Variants in EXOC7 observed in about 807,000 individuals in gnomAD.
The protein encoded by EXOC7 is exocyst complex component Exo70.
A neutral mutation model predicts 87.6 loss-of-function variants in EXOC7; 51 were observed. That is an observed-to-expected ratio of 0.58 (90% CI 0.46 to 0.73). The LOEUF (loss-of-function observed/expected upper bound fraction) is 0.73. Among genes scored for constraint, EXOC7 ranks in the 30% least tolerant of loss-of-function variants. EXOC7 has a pLI of 0.00. For missense variants in EXOC7, 744 were observed against 888.4 expected (o/e 0.84, Z 2.07); for synonymous variants, 327 against 357.1 (o/e 0.92, Z 0.95).
intron 5 of EXOC7, among the ~76,000 whole-genome samples, chr17:76,096,441 G>C (rs2067754099): frequency 6.7e-6 from 1 of 149,522 alleles, no homozygotes; most frequent in Non-Finnish European, 1.5e-5. Context: ...GAACCCAGGA[G>C]GCAGAGGTTG....
chr17:76,082,073 G>GA lies in EXOC7; in HGVS notation c.*1574dup. ...AGGTGGGCAGGGGCTGGGGGGTAAG[G>GA]AATGAGGCCTAGGTGCACACCTAGG... On this transcript the variant is annotated 3_prime_UTR_variant, in exon 19 of 19. Transcript: ENST00000589210. 6.3e-7 allele frequency: 1 copy of GA among 1,580,106 alleles called. No homozygotes were observed. Among genetic ancestry groups the GA allele is most frequent in the Non-Finnish European group, 8.6e-7 (1 of 1,164,858 alleles).
At chr17:76,100,038 G>GCTGCAGTAGCTATGGTTGTACCA (rs1338277974) in intron 4 of EXOC7, among the ~76,000 whole-genome samples, 2 of 152,084 alleles carry the variant, frequency 1.3e-5, no homozygotes, top group Admixed American at 1.3e-4. Context: ...GGAGTTCGAG[G>GCTGCAGTAGCTATGGTTGTACCA]CTGCAGTAGC....
rs1567954871 is a variant in EXOC7, at chr17:76,083,519, C to T, written c.*129G>A. ...ACTAGGGGGCTCAGGGACACAGCTCCCGGAGGCGTGGAGACAGGTCTCTGT... is the reference window on the plus strand; with the variant it reads ...ACTAGGGGGCTCAGGGACACAGCTCTCGGAGGCGTGGAGACAGGTCTCTGT... On this transcript the variant is annotated 3_prime_UTR_variant, in exon 19 of 19. Coordinates refer to ENST00000589210, the MANE Select transcript of EXOC7 (RefSeq NM_001013839.4). 3.5e-6 allele frequency: 3 copies of T among 859,496 alleles called. No individual in the cohort carries two copies. The African/African-American group carries it at 5.0e-5, about 14-fold the overall frequency. 53.2% of individuals were successfully genotyped at this position (859,496 alleles called of 1,614,324 possible). A position where few individuals can be genotyped will look rare whatever the true frequency, so the allele number is the denominator to read the frequency against.
rs11539425 is a variant in EXOC7 at position 76,097,990 on chromosome 17, G to T, written c.446C>A (p.Ala149Asp). The change falls in exon 5 of 19, where the codon GCC becomes GAC. Residue 149 changes from alanine (A) to aspartate (D), a missense_variant. Ala to Asp is a moderately radical substitution (Grantham distance 126). Around this residue, in one of 3 missense-constraint regions of EXOC7, gnomAD observed 512 missense variants for 573.0 expected, o/e 0.89. Coordinates refer to ENST00000589210, the MANE Select transcript of EXOC7 (RefSeq NM_001013839.4). ...VKLLFERGKEALESEFRSLMT... is the reference protein window; with the variant it reads ...VKLLFERGKEDLESEFRSLMT... The stretch of plus-strand genomic sequence containing the variant: ...CAGGCTGCGAAATTCGGACTCCAGG[G>T]CCTCCTTCCCGCGCTCAAAGAGCAG... 2 of 1,614,158 alleles carry T rather than the reference G, an allele frequency of 1.2e-6. No homozygotes were observed. Among genetic ancestry groups the T allele is most frequent in the Non-Finnish European group, 1.7e-6 (2 of 1,180,032 alleles).
chr17:76,081,428 C>T lies in EXOC7; in HGVS notation c.*2220G>A. 2.5e-6 allele frequency: 4 copies of T among 1,613,570 alleles called. No homozygotes were observed. Among genetic ancestry groups the T allele is most frequent in the Non-Finnish European group, 3.4e-6 (4 of 1,179,828 alleles). ...GTGAGTCAAGTCGGGAGGAGGCCGACAGAGGGCTGCTGGAGGCGGGTGGGA... is the reference window on the plus strand; with the variant it reads ...GTGAGTCAAGTCGGGAGGAGGCCGATAGAGGGCTGCTGGAGGCGGGTGGGA... On this transcript the variant is annotated 3_prime_UTR_variant, in exon 19 of 19. Transcript: ENST00000589210.
chr17:76,095,457 C>T (rs1408833393), intron 5 of EXOC7, among the ~76,000 whole-genome samples: 2 of 151,934 alleles, frequency 1.3e-5, no homozygotes, highest in African/African-American at 4.8e-5. Flanking sequence ...TTAAATAGTA[C>T]TTTTTTTTAA....
rs557427223 is a variant in EXOC7, at chr17:76,083,409, G to A, written c.*239C>T. The A allele has an allele frequency of 1.9e-6, 1 of 535,422 alleles. No homozygotes were observed. Among genetic ancestry groups the A allele is most frequent in the South Asian group, 2.1e-5 (1 of 47,338 alleles). The allele number at this position is 535,422 out of a possible 1,614,324, so 33.2% of individuals were successfully genotyped here. The stretch of plus-strand genomic sequence containing the variant: ...TTCAGAAGCCATCAGGGTCATAAAA[G>A]CCAAGGTGTGGAGGGACCCCAGGCT... On this transcript the variant is annotated 3_prime_UTR_variant, in exon 19 of 19. Coordinates refer to ENST00000589210, the MANE Select transcript of EXOC7 (RefSeq NM_001013839.4).
Position 76,081,242 on chromosome 17 carries a change from C to A in EXOC7, c.*2406G>T, listed in dbSNP as rs374504468. ...CCCAGACTTGGCAGCTGGGATCTCT[C>A]CTTCCTGGTTCATAGTTCTCATTCC... On this transcript the variant is annotated 3_prime_UTR_variant, in exon 19 of 19. Coordinates refer to ENST00000589210, the MANE Select transcript of EXOC7 (RefSeq NM_001013839.4). The A allele has an allele frequency of 6.2e-7, 1 of 1,611,032 alleles. No individual in the cohort carries two copies. The highest frequency in any genetic ancestry group is 1.1e-5 in the South Asian group (1 of 90,700).
chr17:76,098,971 A>G (rs763595912), intron 4 of EXOC7, among the ~76,000 whole-genome samples: 5 of 152,192 alleles, frequency 3.3e-5, no homozygotes, highest in Non-Finnish European at 7.4e-5. Flanking sequence ...AATAAATTGA[A>G]CAATATCAAG....
rs758203502 is a variant in EXOC7, at chr17:76,084,147, C to A, written c.1819-8G>T. 1 of 1,593,292 alleles carries A rather than the reference C, an allele frequency of 6.3e-7. No homozygotes were observed. The highest frequency in any genetic ancestry group is 1.8e-5 in the Admixed American group (1 of 56,198). ...GAGGCCATCATTGAAGCCCTGGCCA[C>A]CAAAAAGGTGAAAAAGGAAGGCACC... On this transcript the variant is annotated splice_region_variant and splice_polypyrimidine_tract_variant and intron_variant, in intron 17 of 18. Transcript: ENST00000589210.
At chr17:76,096,392 G>A (rs2067751074) in intron 5 of EXOC7, among the ~76,000 whole-genome samples, 1 of 151,628 alleles carries the variant, frequency 6.6e-6, no homozygotes, top group Non-Finnish European at 1.5e-5. Flanking sequence ...GCGGGCACCT[G>A]TAACCCCAGC....
chr17:76,083,706 T>C lies in EXOC7; in HGVS notation c.1997A>G (p.Lys666Arg), dbSNP rs752235400. 3.7e-6 allele frequency: 6 copies of C among 1,613,696 alleles called. No homozygotes were observed. Among genetic ancestry groups the C allele is most frequent in the Middle Eastern group, 1.7e-4 (1 of 5,872 alleles). The change falls in exon 19 of 19, where the codon AAG (lysine) becomes AGG (arginine). Residue 666 changes from lysine to arginine, a missense_variant. This residue lies in a region of EXOC7 where 228 missense variants were observed against 298.6 expected (regional missense o/e 0.76). Coordinates refer to ENST00000589210, the MANE Select transcript of EXOC7 (RefSeq NM_001013839.4). Reference protein sequence around the residue: ...PFTKNPEKYIKYGVEQVGDMI... With the variant: ...PFTKNPEKYIRYGVEQVGDMI... ...GTCGCCCACCTGCTCCACCCCGTAC[T>C]TGATGTACTTCTCCGGGTTCTTGGT...
At chr17:76,091,378 C>T (rs149104591) in intron 6 of EXOC7, 143 bp from the exon 7 acceptor site, 15 of 642,934 alleles carry the variant, frequency 2.3e-5, no homozygotes, top group African/African-American at 7.3e-5. Context: ...CCACCAGAGA[C>T]GCTGGGGACA....
chr17:76,087,834 A>G (rs1229548396), intron 11 of EXOC7, 114 bp from the exon 12 acceptor site: 2 of 1,175,926 alleles, frequency 1.7e-6, no homozygotes, highest in Non-Finnish European at 2.4e-6. Flanking sequence ...CGCCCAGTGA[A>G]GAGCGCGGCT....
Position 76,101,661 on chromosome 17 carries a change from T to C in EXOC7, c.311+18A>G. On this transcript the variant is annotated intron_variant, in intron 3 of 18. Coordinates refer to ENST00000589210, the MANE Select transcript of EXOC7 (RefSeq NM_001013839.4). ...CAGGAGGCATTAGGAATTGACCCTC[T>C]GGGCCTCACTCACTCACCCCTCTCT... 2 of 1,603,744 alleles carry C rather than the reference T, an allele frequency of 1.2e-6. No homozygotes were observed. Among genetic ancestry groups the C allele is most frequent in the Non-Finnish European group, 1.7e-6 (2 of 1,173,800 alleles).
chr17:76,098,912 C>T (rs914612956), intron 4 of EXOC7, among the ~76,000 whole-genome samples: 19 of 151,248 alleles, frequency 1.3e-4, no homozygotes, highest in Admixed American at 8.6e-4. Context: ...CTCACTGAAC[C>T]GTTAATTTGT....
intron 12 of EXOC7, chr17:76,086,795 G>A (rs1189093001): frequency 6.7e-7 from 1 of 1,488,252 alleles, no homozygotes; most frequent in African/African-American, 1.4e-5. Flanking sequence ...AGTCCCCAGG[G>A]AACCTCACCC....
intron 10 of EXOC7, 92 bp downstream of exon 10, chr17:76,088,372 C>A (rs1380768477): frequency 4.6e-6 from 6 of 1,316,532 alleles, no homozygotes; most frequent in East Asian, 2.4e-5. Flanking sequence ...GGACAACGCA[C>A]CCTCTTGGAG....
intron 2 of EXOC7, 104 bp downstream of exon 2, chr17:76,103,257 C>T: frequency 9.7e-7 from 1 of 1,031,848 alleles, no homozygotes; most frequent in Non-Finnish European, 1.5e-6. Flanking sequence ...TCCGTCGCTG[C>T]CCATTCCAGA....
Sources: allele counts gnomAD v4.1 joint callset (sites outside exome capture counted in the v4.1 genomes callset), GRCh38; gene constraint gnomAD v4.1.1; regional missense constraint gnomAD v4.1.1; transcripts MANE v1.5; gene names NCBI Gene and HGNC (gene_info 2026-07-23, HGNC 2026-07-21).